Variants in CDH18 observed in about 807,000 individuals in gnomAD.
The protein encoded by CDH18 is cadherin 18.
In CDH18, 31 loss-of-function variants were observed where a neutral mutation model predicts 67.9. The observed-to-expected ratio is 0.46, with a 90% confidence interval of 0.34 to 0.62. The LOEUF (loss-of-function observed/expected upper bound fraction) is 0.62. Among genes scored for constraint, CDH18 ranks in the 20% least tolerant of loss-of-function variants. The pLI, the probability that CDH18 is intolerant of heterozygous loss-of-function variation, is 0.01. For synonymous variants in CDH18, 362 were observed against 347.2 expected, an observed-to-expected ratio of 1.04 and a Z score of -0.48; for missense variants, 890 against 975.5, an observed-to-expected ratio of 0.91 and a Z score of 1.17.
At chr5:20,254,635 T>G (rs1313475300) in intron 2 of CDH18, among the ~76,000 whole-genome samples, 2 of 152,148 alleles carry the variant, frequency 1.3e-5, no homozygotes, top group East Asian at 3.9e-4. Flanking sequence ...GGAAAGGCTG[T>G]AAAGAAAAGA....
intron 1 of CDH18, among the ~76,000 whole-genome samples, chr5:20,453,893 A>T (rs1750653493): frequency 6.6e-6 from 1 of 152,176 alleles, no homozygotes; most frequent in African/African-American, 2.4e-5. Context: ...AATGCTTAGA[A>T]AAAAGCCCTG....
chr5:20,047,168 G>A (rs1740978986), intron 2 of CDH18, among the ~76,000 whole-genome samples: 1 of 151,700 alleles, frequency 6.6e-6, no homozygotes, highest in African/African-American at 2.4e-5. Flanking sequence ...GGAGAGACGA[G>A]GCAGGGGTTG....
chr5:19,859,869 A>T (rs1163409138), intron 2 of CDH18, among the ~76,000 whole-genome samples: 1 of 152,048 alleles, frequency 6.6e-6, no homozygotes, highest in East Asian at 1.9e-4. Context: ...GGTCATTCAC[A>T]TTTGGTCCAG....
At chr5:20,241,072 T>C (rs1437729231) in intron 2 of CDH18, among the ~76,000 whole-genome samples, 6 of 148,056 alleles carry the variant, frequency 4.1e-5, no homozygotes, top group African/African-American at 1.3e-4. Flanking sequence ...TTCAAAAATA[T>C]GAGAAAACAA....
At chr5:20,115,057 C>A (rs140357552) in intron 2 of CDH18, among the ~76,000 whole-genome samples, 1 of 151,980 alleles carries the variant, frequency 6.6e-6, no homozygotes, top group East Asian at 1.9e-4. Context: ...GTAGCTTAAG[C>A]AACAAAAATT....
At chr5:19,696,021 A>T (rs879403097) in intron 5 of CDH18, among the ~76,000 whole-genome samples, 1 of 152,158 alleles carries the variant, frequency 6.6e-6, no homozygotes, top group Non-Finnish European at 1.5e-5. Flanking sequence ...ATCTAAAAAA[A>T]TTCTCCAGGT....
chr5:19,746,323 T>C (rs1256176397), intron 4 of CDH18, among the ~76,000 whole-genome samples: 2 of 152,192 alleles, frequency 1.3e-5, no homozygotes, highest in African/African-American at 4.8e-5. Context: ...TTGGCTATTT[T>C]CTAAATATGT....
At chr5:20,411,952 T>C (rs1746818204) in intron 1 of CDH18, among the ~76,000 whole-genome samples, 1 of 152,180 alleles carries the variant, frequency 6.6e-6, no homozygotes, top group Non-Finnish European at 1.5e-5. Context: ...AAAATAGTCA[T>C]ACTGCTGAAA....
chr5:20,197,145 G>C (rs888352632), intron 2 of CDH18, among the ~76,000 whole-genome samples: 41 of 152,104 alleles, frequency 2.7e-4, no homozygotes, highest in African/African-American at 9.2e-4. Flanking sequence ...CCAAGTAGGT[G>C]GGACTACAGG....
intron 9 of CDH18, among the ~76,000 whole-genome samples, chr5:19,530,651 T>G (rs1386867596): frequency 2.0e-5 from 3 of 152,148 alleles, no homozygotes. Context: ...TTCTCATTGT[T>G]CAATTCCCAC....
intron 1 of CDH18, among the ~76,000 whole-genome samples, chr5:20,415,061 C>A (rs1747173480): frequency 6.6e-6 from 1 of 152,084 alleles, no homozygotes; most frequent in South Asian, 2.1e-4. Flanking sequence ...GCATAGCAGC[C>A]AAGATGTGGT....
At chr5:19,590,537 G>A (rs566397971) in intron 7 of CDH18, among the ~76,000 whole-genome samples, 2 of 152,114 alleles carry the variant, frequency 1.3e-5, no homozygotes, top group South Asian at 4.1e-4. Flanking sequence ...TAGATAGATA[G>A]ACAACAGGCT....
At chr5:19,739,614 A>T (rs1375877445) in intron 4 of CDH18, among the ~76,000 whole-genome samples, 1 of 152,216 alleles carries the variant, frequency 6.6e-6, no homozygotes, top group South Asian at 2.1e-4. Context: ...GCTAACTTAC[A>T]CAGAAGAATA....
intron 1 of CDH18, among the ~76,000 whole-genome samples, chr5:20,416,526 G>A (rs918119113): frequency 6.6e-6 from 1 of 152,066 alleles, no homozygotes; most frequent in African/African-American, 2.4e-5. Flanking sequence ...TACCACTTAT[G>A]GAAATCAGTC....
At chr5:19,961,823 G>A (rs1330412909) in intron 2 of CDH18, among the ~76,000 whole-genome samples, 1 of 151,404 alleles carries the variant, frequency 6.6e-6, no homozygotes, top group Admixed American at 6.6e-5. Context: ...TTTTTATTAT[G>A]GTCATGTAAT....
At chr5:20,438,741 A>G (rs1749369315) in intron 1 of CDH18, among the ~76,000 whole-genome samples, 2 of 151,382 alleles carry the variant, frequency 1.3e-5, no homozygotes, top group Non-Finnish European at 3.0e-5. Context: ...CTATTGCTCT[A>G]GATTGATTAT....
intron 12 of CDH18, 73 bp from the exon 13 acceptor site, chr5:19,473,789 A>T: frequency 7.8e-7 from 1 of 1,283,152 alleles, no homozygotes; most frequent in South Asian, 1.4e-5. Flanking sequence ...TACAACAGCA[A>T]TTTCCCATTT....
At chr5:20,150,141 A>G (rs796925542) in intron 2 of CDH18, among the ~76,000 whole-genome samples, 9 of 152,228 alleles carry the variant, frequency 5.9e-5, no homozygotes, top group African/African-American at 2.2e-4. Flanking sequence ...TTTCATGACA[A>G]TGGGTTGAGG....
At chr5:20,151,467 T>C (rs1751096876) in intron 2 of CDH18, among the ~76,000 whole-genome samples, 1 of 152,178 alleles carries the variant, frequency 6.6e-6, no homozygotes, top group Non-Finnish European at 1.5e-5. Context: ...CATGTGTCTT[T>C]TGGGTATAAT....
Sources: gnomAD v4.1 joint callset for allele counts (sites outside exome capture counted in the v4.1 genomes callset) on GRCh38, gnomAD v4.1.1 for gene constraint, MANE v1.5 for transcripts, NCBI Gene and HGNC (gene_info 2026-07-23, HGNC 2026-07-21) for gene names.